LIMS1: variants seen among roughly 807,000 people sequenced by gnomAD.
LIMS1 encodes LIM zinc finger domain containing 1, also known as LIM and senescent cell antigen-like-containing domain protein 1.
Under a neutral mutation model 44.1 loss-of-function variants are expected in LIMS1, and 18 were observed. The observed-to-expected ratio is 0.41, with a 90% confidence interval of 0.28 to 0.61. The LOEUF (loss-of-function observed/expected upper bound fraction) is 0.61, where lower values mean the gene tolerates loss of function less well. LIMS1 is among the 20% of genes least tolerant of loss of function. The pLI is 0.32. For synonymous variants in LIMS1, 93 were observed against 149.1 expected, an observed-to-expected ratio of 0.62 and a Z score of 2.74; for missense variants, 201 against 422.0, an observed-to-expected ratio of 0.48 and a Z score of 4.59.
chr2:108,607,215 C>A (rs1418524131), intron 1 of LIMS1: 2 of 1,550,928 alleles, frequency 1.3e-6, no homozygotes, highest in Non-Finnish European at 1.7e-6. Context: ...GCTTGGACAG[C>A]CAGCTGATGA....
intron 1 of LIMS1, among the ~76,000 whole-genome samples, chr2:108,638,444 G>T (rs906839307): frequency 2.6e-5 from 4 of 152,008 alleles, no homozygotes; most frequent in Admixed American, 2.0e-4. Context: ...GCCATGAGGG[G>T]TATAAAGATT....
chr2:108,629,109 G>A (rs1688750772), intron 1 of LIMS1, among the ~76,000 whole-genome samples: 1 of 152,080 alleles, frequency 6.6e-6, no homozygotes, highest in Non-Finnish European at 1.5e-5. Context: ...ACTGTTGTGT[G>A]GTATTGGGAG....
intron 1 of LIMS1, chr2:108,654,926 A>G: frequency 6.6e-7 from 1 of 1,515,164 alleles, no homozygotes. Context: ...AACATGAAGC[A>G]GCAGTAGTGA....
chr2:108,662,732 G>A (rs1391713603), intron 2 of LIMS1: 2 of 932,126 alleles, frequency 2.1e-6, no homozygotes, highest in African/African-American at 3.6e-5. Context: ...AACTTACCCA[G>A]TTTGCCTTCC....
At chr2:108,583,700 C>CTTT (rs759827869) in intron 1 of LIMS1, among the ~76,000 whole-genome samples, 23 of 129,872 alleles carry the variant, frequency 1.8e-4, no homozygotes, top group Admixed American at 2.5e-4. Context: ...GTTGCTGTTT[C>CTTT]TTTTTTTTTT....
chr2:108,601,375 G>A (rs931213173), intron 1 of LIMS1, among the ~76,000 whole-genome samples: 5 of 152,096 alleles, frequency 3.3e-5, no homozygotes, highest in East Asian at 3.9e-4. Flanking sequence ...ATGAAGTTTC[G>A]GTGCAGTCTG....
intron 1 of LIMS1, among the ~76,000 whole-genome samples, chr2:108,546,664 C>CT (rs985818233): frequency 7.2e-6 from 1 of 138,070 alleles, no homozygotes; most frequent in Non-Finnish European, 1.5e-5. Context: ...GCGAGCCTGT[C>CT]TAATTTGAGT....
chr2:108,617,920 A>G (rs1470316084), intron 1 of LIMS1, among the ~76,000 whole-genome samples: 1 of 152,212 alleles, frequency 6.6e-6, no homozygotes, highest in East Asian at 1.9e-4. Flanking sequence ...AAGGACAGAA[A>G]GTTGTAATTA....
intron 1 of LIMS1, among the ~76,000 whole-genome samples, chr2:108,601,788 A>T (rs1687032443): frequency 6.6e-6 from 1 of 152,234 alleles, no homozygotes; most frequent in Non-Finnish European, 1.5e-5. Flanking sequence ...GAGTGCTGGG[A>T]TTATAGGTGT....
intron 1 of LIMS1, among the ~76,000 whole-genome samples, chr2:108,552,169 T>A (rs762063437): frequency 3.2e-4 from 46 of 145,356 alleles, no homozygotes; most frequent in Non-Finnish European, 6.2e-4. Flanking sequence ...TATATAAATA[T>A]AAAATATACA....
intron 1 of LIMS1, among the ~76,000 whole-genome samples, chr2:108,573,230 A>G (rs930131946): frequency 1.3e-5 from 2 of 152,154 alleles, no homozygotes; most frequent in African/African-American, 2.4e-5. Flanking sequence ...CAGAGTGATT[A>G]CAACATTTTG....
intron 1 of LIMS1, among the ~76,000 whole-genome samples, chr2:108,558,158 C>T (rs896503500): frequency 3.9e-5 from 6 of 152,114 alleles, no homozygotes; most frequent in South Asian, 4.1e-4. Flanking sequence ...ATGGATTGCC[C>T]CTTCTTTCCT....
At chr2:108,683,797 G>C (rs1378297635) in intron 9 of LIMS1, 88 bp from the exon 10 acceptor site, 2 of 638,686 alleles carry the variant, frequency 3.1e-6, no homozygotes, top group Non-Finnish European at 5.3e-6. Flanking sequence ...CCTTCGTTTA[G>C]TTCAGTACAA....
chr2:108,667,551 A>AAAATATAT (rs765279788), intron 2 of LIMS1, among the ~76,000 whole-genome samples: 1,413 of 130,404 alleles, frequency 0.011, 12 homozygotes, highest in Non-Finnish European at 0.016. Flanking sequence ...AAAAAAAAAA[A>AAAATATAT]ATATATATAT....
At chr2:108,620,063 T>C (rs1421515357) in intron 1 of LIMS1, among the ~76,000 whole-genome samples, 1 of 152,210 alleles carries the variant, frequency 6.6e-6, no homozygotes, top group Non-Finnish European at 1.5e-5. Context: ...ATGGCAATTA[T>C]GAAAAGTCAT....
intron 1 of LIMS1, among the ~76,000 whole-genome samples, chr2:108,551,481 G>GCA (rs1491310108): frequency 2.7e-5 from 2 of 74,514 alleles, no homozygotes; most frequent in African/African-American, 4.7e-5. Flanking sequence ...ATACATATAT[G>GCA]CGCGCGCGCG....
chr2:108,537,095 C>T (rs1047554417), intron 1 of LIMS1, among the ~76,000 whole-genome samples: 3 of 152,212 alleles, frequency 2.0e-5, no homozygotes, highest in South Asian at 2.1e-4. Context: ...GACAGTACCA[C>T]GGCCCTCTTT....
Position 108,588,677 on chromosome 2 carries a change from GTTAT to G in LIMS1, c.32+54087_32+54090del, listed in dbSNP as rs1426621503. The G allele has an allele frequency of 4.6e-5, 40 of 873,172 alleles. No individual in the cohort carries two copies. The Admixed American group carries it at 4.9e-4, about 11-fold the overall frequency. The allele number at this position is 873,172 out of a possible 1,614,324, so 54.1% of individuals were successfully genotyped here. ...TTTTCCTTATGACCTACCTTTCTCAGTTATTTAAGAAGCAAATCTAAAGGATATT... is the reference window on the plus strand; with the variant it reads ...TTTTCCTTATGACCTACCTTTCTCAGTTAAGAAGCAAATCTAAAGGATATT... On this transcript the variant is annotated intron_variant, in intron 1 of 9. Transcript: ENST00000544547.
chr2:108,680,564 A>C (rs1048927757), intron 8 of LIMS1, 131 bp from the exon 9 acceptor site: 15 of 325,582 alleles, frequency 4.6e-5, no homozygotes, highest in Non-Finnish European at 6.5e-5. Flanking sequence ...AAAAAAAAAA[A>C]GGTTCTTGAG....
Sources: allele counts gnomAD v4.1 joint callset (sites outside exome capture counted in the v4.1 genomes callset), GRCh38; gene constraint gnomAD v4.1.1; transcripts MANE v1.5; gene names NCBI Gene and HGNC (gene_info 2026-07-23, HGNC 2026-07-21).